Variants in STX18 observed in about 807,000 individuals in gnomAD.
The protein encoded by STX18 is syntaxin 18.
A neutral mutation model predicts 50.1 loss-of-function variants in STX18; 40 were observed. The ratio of observed to expected loss-of-function variants is 0.80; its 90% CI spans 0.62 to 1.04. The LOEUF (loss-of-function observed/expected upper bound fraction) is 1.04. Among genes scored for constraint, STX18 ranks in the 50% least tolerant of loss-of-function variants. STX18 has a pLI of 0.00. For missense variants in STX18, 410 were observed against 415.8 expected (o/e 0.99, Z 0.12); for synonymous variants, 158 against 151.8 (o/e 1.04, Z -0.30).
Position 4,420,442 on chromosome 4 carries a change from C to T in STX18, c.913-313G>A. 2.4e-6 allele frequency: 1 copy of T among 423,506 alleles called. No individual in the cohort carries two copies. The allele number at this position is 423,506 out of a possible 1,614,324, so 26.2% of individuals were successfully genotyped here. A position where few individuals can be genotyped will look rare whatever the true frequency, so the allele number is the denominator to read the frequency against. On this transcript the variant is annotated intron_variant, in intron 10 of 10. Coordinates refer to ENST00000306200, the MANE Select transcript of STX18 (RefSeq NM_016930.4). The surrounding 1 kb of genome is among the most constrained non-coding windows in gnomAD (Gnocchi z 4.3). The stretch of plus-strand genomic sequence containing the variant: ...CCGCAAGCTTTGTGTTTCCCAGTAA[C>T]ATGATGTCCGTGGTGACCCAACCCT...
chr4:4,427,449 A>T (rs751751591), intron 7 of STX18, among the ~76,000 whole-genome samples: 1 of 152,246 alleles, frequency 6.6e-6, no homozygotes, highest in Non-Finnish European at 1.5e-5. Context: ...TTAAGAGGAC[A>T]GTATTTAAGG....
chr4:4,424,044 G>T (rs975370746), intron 8 of STX18, among the ~76,000 whole-genome samples: 1 of 151,996 alleles, frequency 6.6e-6, no homozygotes, highest in African/African-American at 2.4e-5. Context: ...GCAGGTTAAA[G>T]AAAAAAGTGT....
Position 4,541,800 on chromosome 4 carries a change from T to G in STX18, c.165A>C (p.Glu55Asp). ...GTTTCCATAGCAACCAGCTCACCAC[T>G]TCGCGGGCCCGGCTGGAGAAGTCGC... Reference protein sequence around the residue: ...PKGDFSSRAREVISHIGKLRD... With the variant: ...PKGDFSSRARDVISHIGKLRD... Residue 55 changes from glutamate to aspartate, a missense_variant, in exon 1 of 11, where the codon GAA becomes GAC. Transcript: ENST00000306200. 4 of 1,607,522 alleles carry G rather than the reference T, an allele frequency of 2.5e-6. No individual in the cohort carries two copies. The highest frequency in any genetic ancestry group is 3.4e-6 in the Non-Finnish European group (4 of 1,176,926).
Position 4,420,367 on chromosome 4 carries a change from C to T in STX18, c.913-238G>A, listed in dbSNP as rs1002034152. On this transcript the variant is annotated intron_variant, in intron 10 of 10. Transcript: ENST00000306200. The surrounding 1 kb of genome is among the most constrained non-coding windows in gnomAD (Gnocchi z 4.3). ...CACAATTCTCCCTCAACACAACTCT[C>T]GGAATCACTCCCTTCTGTCCCAGGG... is the stretch of plus-strand genomic sequence containing the variant. 46 of 512,048 alleles carry T rather than the reference C, an allele frequency of 9.0e-5. No homozygotes were observed. Among genetic ancestry groups the T allele is most frequent in the Middle Eastern group, 8.4e-4 (2 of 2,372 alleles). 31.7% of individuals were successfully genotyped at this position (512,048 alleles called of 1,614,324 possible). A position where few individuals can be genotyped will look rare whatever the true frequency, so the allele number is the denominator to read the frequency against.
intron 1 of STX18, among the ~76,000 whole-genome samples, chr4:4,513,471 C>A (rs906920395): frequency 6.6e-6 from 1 of 152,218 alleles, no homozygotes; most frequent in African/African-American, 2.4e-5. Flanking sequence ...TTTCAACCAA[C>A]AGAGTCACAG....
intron 5 of STX18, among the ~76,000 whole-genome samples, chr4:4,453,967 A>G (rs999117718): frequency 1.3e-5 from 2 of 152,258 alleles, no homozygotes; most frequent in Non-Finnish European, 2.9e-5. Flanking sequence ...AGATAAGTAC[A>G]AAAATGAAGA....
intron 1 of STX18, among the ~76,000 whole-genome samples, chr4:4,497,016 G>A (rs543970181): frequency 3.9e-5 from 6 of 152,260 alleles, no homozygotes; most frequent in South Asian, 2.1e-4. Flanking sequence ...CATGTTTTAC[G>A]CGAAACAAAC....
chr4:4,469,970 G>A (rs1237621772), intron 2 of STX18, among the ~76,000 whole-genome samples: 5 of 152,222 alleles, frequency 3.3e-5, no homozygotes, highest in Non-Finnish European at 5.9e-5. Flanking sequence ...CAGCACTCCC[G>A]ATCCCTGTTA....
At chr4:4,459,671 T>C (rs1207153252) in intron 2 of STX18, among the ~76,000 whole-genome samples, 184 bp from the exon 3 acceptor site, 1 of 152,054 alleles carries the variant, frequency 6.6e-6, no homozygotes, top group Non-Finnish European at 1.5e-5. Context: ...AGAACACATA[T>C]GAAGGGTGTG....
chr4:4,498,608 T>C (rs890394545), intron 1 of STX18, among the ~76,000 whole-genome samples: 2 of 152,234 alleles, frequency 1.3e-5, no homozygotes, highest in Non-Finnish European at 2.9e-5. Context: ...CCAAGGAGAA[T>C]AGTTTTGTGA....
chr4:4,471,387 T>C (rs940420068), intron 2 of STX18, among the ~76,000 whole-genome samples: 4 of 152,176 alleles, frequency 2.6e-5, no homozygotes, highest in Non-Finnish European at 5.9e-5. Context: ...TGGAGTTTCA[T>C]TTGACAGGAG....
chr4:4,527,867 C>CACATATATATATATATATATATAT (rs372566368), intron 1 of STX18, among the ~76,000 whole-genome samples: 10 of 137,208 alleles, frequency 7.3e-5, no homozygotes, highest in African/African-American at 2.1e-4. Context: ...CACACACACA[C>CACATATATATATATATATATATAT]ATATATATAT....
intron 5 of STX18, among the ~76,000 whole-genome samples, chr4:4,442,394 AGG>A (rs1264988469): frequency 1.3e-5 from 2 of 151,866 alleles, no homozygotes; most frequent in African/African-American, 4.8e-5. Flanking sequence ...GAGGCCGAGG[AGG>A]GCGAATCACT....
intron 1 of STX18, among the ~76,000 whole-genome samples, chr4:4,477,065 A>C (rs1314013191): frequency 1.3e-5 from 2 of 151,670 alleles, no homozygotes; most frequent in African/African-American, 4.8e-5. Flanking sequence ...AAACCAAAAA[A>C]CCAAAACAAC....
chr4:4,511,969 A>C (rs1280538609), intron 1 of STX18, among the ~76,000 whole-genome samples: 1 of 152,076 alleles, frequency 6.6e-6, no homozygotes, highest in East Asian at 1.9e-4. Flanking sequence ...AGAGCTGTAC[A>C]TTGTAGAATG....
At chr4:4,478,992 T>C (rs1044604609) in intron 1 of STX18, 28 of 152,702 alleles carry the variant, frequency 1.8e-4, no homozygotes, top group Middle Eastern at 3.4e-3. Flanking sequence ...GAAAGGGATA[T>C]ATTTTACAAG....
chr4:4,483,141 G>A (rs1384928013), intron 1 of STX18, among the ~76,000 whole-genome samples: 1 of 152,086 alleles, frequency 6.6e-6, no homozygotes, highest in African/African-American at 2.4e-5. Flanking sequence ...ACACTAGGTA[G>A]GTGGATTTAG....
Position 4,498,707 on chromosome 4 carries a change from TA to T in STX18, c.169-27002del, listed in dbSNP as rs573594849. On this transcript the variant is annotated intron_variant, in intron 1 of 10. Transcript: ENST00000306200. ...CAGTCAGGACATTTAAGGAGCATAA[TA>T]AAAAATAGATTATATTCATGTAAGC... is the stretch of plus-strand genomic sequence containing the variant. Among the ~76,000 whole-genome samples the T allele has an allele frequency of 1.6e-3, 249 of 152,228 alleles. 1 individual carries two copies. The highest frequency in any genetic ancestry group is 5.4e-3 in the African/African-American group (225 of 41,564).
intron 1 of STX18, among the ~76,000 whole-genome samples, chr4:4,534,672 T>C (rs1210991543): frequency 2.0e-5 from 3 of 152,242 alleles, no homozygotes; most frequent in African/African-American, 4.8e-5. Flanking sequence ...CTCTGCCGCA[T>C]AGCCCAGAGC....
Sources: gnomAD v4.1 joint callset for allele counts (sites outside exome capture counted in the v4.1 genomes callset) on GRCh38, gnomAD v4.1.1 for gene constraint, Gnocchi (gnomAD v3.1) non-coding constraint, MANE v1.5 for transcripts, NCBI Gene and HGNC (gene_info 2026-07-23, HGNC 2026-07-21) for gene names.